The following TMEM156 variants were observed in gnomAD, a reference collection of about 807,000 sequenced individuals.
TMEM156 encodes transmembrane protein 156.
Under a neutral mutation model 30.5 loss-of-function variants are expected in TMEM156, and 28 were observed. That is an observed-to-expected ratio of 0.92 (90% CI 0.68 to 1.26). The LOEUF (loss-of-function observed/expected upper bound fraction) is 1.26, where lower values mean the gene tolerates loss of function less well. Ranked by LOEUF, TMEM156 falls within the 50% of genes most tolerant of loss-of-function variation. TMEM156 has a pLI of 0.00. For synonymous variants in TMEM156, 137 were observed against 119.9 expected, an observed-to-expected ratio of 1.14 and a Z score of -0.93; for missense variants, 351 against 340.6, an observed-to-expected ratio of 1.03 and a Z score of -0.24.
intron 1 of TMEM156, among the ~76,000 whole-genome samples, chr4:39,016,363 A>G (rs899568563): frequency 6.9e-6 from 1 of 143,982 alleles, no homozygotes; most frequent in Non-Finnish European, 1.5e-5. Flanking sequence ...ACACAGCAAG[A>G]CTCTGCCTAA....
Position 39,032,370 on chromosome 4 carries a change from C to T in TMEM156, c.-57G>A. The T allele has an allele frequency of 9.0e-7, 1 of 1,109,016 alleles. No individual in the cohort carries two copies. Among genetic ancestry groups the T allele is most frequent in the East Asian group, 2.5e-5 (1 of 40,288 alleles). 68.7% of individuals were successfully genotyped at this position (1,109,016 alleles called of 1,614,324 possible). ...GCAGTACATTCATGGTATGTTGCTT[C>T]CTGCTTTAAGTTTATCTCTGCAGCA... On this transcript the variant is annotated 5_prime_UTR_variant, in exon 1 of 7. Coordinates refer to ENST00000381938, the MANE Select transcript of TMEM156 (RefSeq NM_024943.3).
intron 5 of TMEM156, among the ~76,000 whole-genome samples, chr4:38,984,520 C>T (rs1038182894): frequency 2.6e-5 from 4 of 151,890 alleles, no homozygotes; most frequent in African/African-American, 4.8e-5. Flanking sequence ...TTTTTCTACC[C>T]GTGTTACTGC....
chr4:38,978,008 C>G (rs1472260949), intron 5 of TMEM156, among the ~76,000 whole-genome samples: 2 of 152,138 alleles, frequency 1.3e-5, no homozygotes, highest in Non-Finnish European at 2.9e-5. Context: ...ACTCATCTTT[C>G]CCAAGTAACT....
intron 4 of TMEM156, among the ~76,000 whole-genome samples, chr4:38,987,006 G>A (rs946790823): frequency 6.6e-6 from 1 of 151,798 alleles, no homozygotes; most frequent in Non-Finnish European, 1.5e-5. Flanking sequence ...GCTTGGATTT[G>A]CAAGCCTTTG....
In TMEM156 at chr4:38,998,701, C is replaced by T. The variant is rs151249481; in HGVS notation, c.297G>A (p.Ser99=). The change falls in exon 2 of 7, where the codon TCG becomes TCA. Residue 99 remains serine, a synonymous_variant. Transcript: ENST00000381938. ...DITGEFKMCS[S]CLVCESKGNM... is the part of the protein sequence containing the mutation. The stretch of plus-strand genomic sequence containing the variant: ...TTCCTTTAGACTCACAAACCAAACA[C>T]GAGGAGCACATTTTAAATTCACCTG... 424 of 1,613,566 alleles carry T rather than the reference C, an allele frequency of 2.6e-4. 1 individual carries two copies. In the African/African-American group the frequency reaches 5.0e-3, roughly 19 times the overall value.
rs571371249 is a variant in TMEM156 at position 39,026,053 on chromosome 4, A to C, written c.88+6173T>G. Among the ~76,000 whole-genome samples the C allele has an allele frequency of 2.2e-4, 33 of 152,342 alleles. No individual in the cohort carries two copies. In the South Asian group the frequency reaches 6.0e-3, roughly 28 times the overall value. On this transcript the variant is annotated intron_variant, in intron 1 of 6. Transcript: ENST00000381938. ...CTCTCTTAATTGCTTGAAACACATCAGTGAACAAAGCAGACAAAACCTCGG... is the reference window on the plus strand; with the variant it reads ...CTCTCTTAATTGCTTGAAACACATCCGTGAACAAAGCAGACAAAACCTCGG...
Position 38,988,926 on chromosome 4 carries a change from A to C in TMEM156, c.664T>G (p.Leu222Val), listed in dbSNP as rs1451252751. The change falls in exon 4 of 7, where the codon TTA (leucine) becomes GTA (valine). Residue 222 changes from leucine to valine, a missense_variant. Transcript: ENST00000381938. ...AGGATGATCAAAAATATAAAAACTA[A>C]TAGAACTAAAATATACCAAGTGATC... is the stretch of plus-strand genomic sequence containing the variant. Reference protein sequence around the residue: ...MKITWYILVLLVFIFLIILTI... With the variant: ...MKITWYILVLVVFIFLIILTI... 1 of 1,613,220 alleles carries C rather than the reference A, an allele frequency of 6.2e-7. No homozygotes were observed. The highest frequency in any genetic ancestry group is 1.7e-5 in the Admixed American group (1 of 60,020).
intron 1 of TMEM156, among the ~76,000 whole-genome samples, chr4:39,010,466 C>T (rs141448339): frequency 1.3e-5 from 2 of 152,252 alleles, no homozygotes; most frequent in East Asian, 3.9e-4. Flanking sequence ...CAATCCTAAG[C>T]AAAAAGAACA....
rs766626458 is a variant in TMEM156, at chr4:38,988,813, GA to G, written c.739+37del. 10 of 1,612,236 alleles carry G rather than the reference GA, an allele frequency of 6.2e-6. No homozygotes were observed. In the African/African-American group the frequency reaches 1.3e-4, roughly 22 times the overall value. On this transcript the variant is annotated intron_variant, in intron 4 of 6. Coordinates refer to ENST00000381938, the MANE Select transcript of TMEM156 (RefSeq NM_024943.3). The stretch of plus-strand genomic sequence containing the variant: ...AAAAGGAAATGAAATCCATAGAAGA[GA>G]TCAGGAGTTCCTCGGCACTACAGGG...
chr4:38,988,527 C>T (rs898262400), intron 4 of TMEM156, among the ~76,000 whole-genome samples: 3 of 152,152 alleles, frequency 2.0e-5, no homozygotes, highest in Admixed American at 6.5e-5. Context: ...TCACCGCGCT[C>T]GGCCTGAAAT....
intron 1 of TMEM156, among the ~76,000 whole-genome samples, chr4:39,020,270 G>A (rs768485027): frequency 2.0e-5 from 3 of 152,184 alleles, no homozygotes; most frequent in Non-Finnish European, 4.4e-5. Flanking sequence ...GGATATGGGA[G>A]TTCAGAGTGA....
intron 1 of TMEM156, among the ~76,000 whole-genome samples, chr4:39,000,208 A>G (rs1017428159): frequency 3.9e-5 from 6 of 152,168 alleles, no homozygotes; most frequent in Non-Finnish European, 7.3e-5. Flanking sequence ...AGCCTGGACA[A>G]CATGGCCACC....
chr4:38,988,076 A>G (rs1242374564), intron 4 of TMEM156, among the ~76,000 whole-genome samples: 1 of 152,106 alleles, frequency 6.6e-6, no homozygotes, highest in Admixed American at 6.5e-5. Context: ...GTTATTAAAT[A>G]TTTTTAACGT....
chr4:38,996,055 A>T (rs1712902771), intron 2 of TMEM156, among the ~76,000 whole-genome samples: 1 of 152,216 alleles, frequency 6.6e-6, no homozygotes, highest in Non-Finnish European at 1.5e-5. Flanking sequence ...TCCAAAACAC[A>T]TCAGGAACTC....
chr4:38,997,159 C>T (rs533350049), intron 2 of TMEM156, among the ~76,000 whole-genome samples: 113 of 152,350 alleles, frequency 7.4e-4, no homozygotes, highest in African/African-American at 2.6e-3. Context: ...ACCCTTAAAA[C>T]ACTTCCTAGT....
At chr4:38,978,985 T>C (rs1322398765) in intron 5 of TMEM156, among the ~76,000 whole-genome samples, 1 of 152,220 alleles carries the variant, frequency 6.6e-6, no homozygotes, top group African/African-American at 2.4e-5. Context: ...CCAACATCTG[T>C]TTCCTGTGAT....
At chr4:39,018,524 G>C (rs1714650991) in intron 1 of TMEM156, among the ~76,000 whole-genome samples, 1 of 151,968 alleles carries the variant, frequency 6.6e-6, no homozygotes, top group Non-Finnish European at 1.5e-5. Context: ...CTTTCACTGA[G>C]GGTCTGATGA....
At position 39,016,371 on chromosome 4, in the gene TMEM156, T is replaced by TAA. The variant is rs71192812; in HGVS notation, c.88+15853_88+15854dup. Among the ~76,000 whole-genome samples, 1,309 of 133,020 alleles carry TAA rather than the reference T, an allele frequency of 9.8e-3. 8 individuals carry two copies. The highest frequency in any genetic ancestry group is 0.015 in the Non-Finnish European group (966 of 62,514). 87.3% of individuals were successfully genotyped at this position (133,020 alleles called of 152,430 possible). A position where few individuals can be genotyped will look rare whatever the true frequency, so the allele number is the denominator to read the frequency against. The stretch of plus-strand genomic sequence containing the variant: ...CTGGGCAACACAGCAAGACTCTGCC[T>TAA]AAAAAAAAAAAAAAGAAGAAGAAAG... On this transcript the variant is annotated intron_variant, in intron 1 of 6. Transcript: ENST00000381938.
At position 38,987,045 on chromosome 4, in the gene TMEM156, A is replaced by G. The variant is rs367851046; in HGVS notation, c.740-626T>C. On this transcript the variant is annotated intron_variant, in intron 4 of 6. Coordinates refer to ENST00000381938, the MANE Select transcript of TMEM156 (RefSeq NM_024943.3). The stretch of plus-strand genomic sequence containing the variant: ...ATCACTAAGTCTGTCATTTGGGCAG[A>G]TATTTGTAAGAATTTAATTTGACTC... Among the ~76,000 whole-genome samples, 18 of 152,162 alleles carry G rather than the reference A, an allele frequency of 1.2e-4. No homozygotes were observed. In the East Asian group the frequency reaches 2.9e-3, roughly 25 times the overall value.
Sources: gnomAD v4.1 joint callset for allele counts (sites outside exome capture counted in the v4.1 genomes callset) on GRCh38, gnomAD v4.1.1 for gene constraint, MANE v1.5 for transcripts, NCBI Gene and HGNC (gene_info 2026-07-23, HGNC 2026-07-21) for gene names.